CACNA2D3: variants seen among roughly 807,000 people sequenced by gnomAD.
The protein encoded by CACNA2D3 is calcium voltage-gated channel auxiliary subunit alpha2delta 3.
In CACNA2D3, 60 loss-of-function variants were observed where a neutral mutation model predicts 160.6. That is an observed-to-expected ratio of 0.37 (90% CI 0.30 to 0.46). CACNA2D3 has a LOEUF of 0.46. CACNA2D3 is among the 20% of genes least tolerant of loss of function. The probability of loss-of-function intolerance (pLI) is 1.00; values close to 1 mark genes in which losing one functional copy is unlikely to be tolerated. For synonymous variants in CACNA2D3, 558 were observed against 492.9 expected, an observed-to-expected ratio of 1.13 and a Z score of -1.75; for missense variants, 1,205 against 1,365.0, an observed-to-expected ratio of 0.88 and a Z score of 1.85.
intron 2 of CACNA2D3, among the ~76,000 whole-genome samples, chr3:54,160,220 C>T (rs1274334843): frequency 2.0e-5 from 3 of 152,312 alleles, no homozygotes; most frequent in East Asian, 3.9e-4. Flanking sequence ...TTGCTGGGGC[C>T]GGGTGCAGTG....
intron 4 of CACNA2D3, among the ~76,000 whole-genome samples, chr3:54,424,722 T>G (rs902787795): frequency 1.3e-5 from 2 of 152,198 alleles, no homozygotes; most frequent in African/African-American, 4.8e-5. Context: ...TTCTCCGCAC[T>G]GCCTCTCCTA....
chr3:54,953,494 G>C (rs1288243671), intron 27 of CACNA2D3, among the ~76,000 whole-genome samples: 1 of 152,150 alleles, frequency 6.6e-6, no homozygotes, highest in Non-Finnish European at 1.5e-5. Flanking sequence ...CTTCGCGCTT[G>C]GTGGTCAGAT....
At chr3:54,455,816 A>G (rs2106828457) in intron 4 of CACNA2D3, among the ~76,000 whole-genome samples, 1 of 152,258 alleles carries the variant, frequency 6.6e-6, no homozygotes, top group Admixed American at 6.5e-5. Flanking sequence ...TTCCAGCACC[A>G]TTTATTAAAG....
chr3:54,280,695 A>G (rs1702860669), intron 2 of CACNA2D3, among the ~76,000 whole-genome samples: 1 of 151,164 alleles, frequency 6.6e-6, no homozygotes, highest in African/African-American at 2.4e-5. Context: ...ACCCTTCCCG[A>G]CTCTGTTCTC....
intron 2 of CACNA2D3, among the ~76,000 whole-genome samples, chr3:54,188,013 G>A (rs946241204): frequency 3.3e-5 from 5 of 152,008 alleles, no homozygotes; most frequent in South Asian, 2.1e-4. Flanking sequence ...AAAGAGAGTC[G>A]AACTCCAAAA....
intron 12 of CACNA2D3, among the ~76,000 whole-genome samples, chr3:54,763,780 C>CATATATATACGTATATATACGT (rs1553838651): frequency 1.2e-4 from 3 of 25,736 alleles, no homozygotes; most frequent in African/African-American, 1.2e-4. Flanking sequence ...TATATATGTA[C>CATATATATACGTATATATACGT]ATATATATGT....
intron 31 of CACNA2D3, among the ~76,000 whole-genome samples, chr3:54,993,032 C>T (rs369954523): frequency 2.0e-5 from 3 of 152,168 alleles, no homozygotes; most frequent in African/African-American, 7.2e-5. Flanking sequence ...CTCACTATCA[C>T]AAGAGCAGTA....
intron 2 of CACNA2D3, among the ~76,000 whole-genome samples, chr3:54,288,405 A>G (rs563396205): frequency 1.8e-4 from 27 of 152,338 alleles, no homozygotes; most frequent in Admixed American, 1.0e-3. Flanking sequence ...GACCAATAAC[A>G]GGATCTGAAA....
At chr3:54,997,023 G>A (rs1194767253) in intron 31 of CACNA2D3, among the ~76,000 whole-genome samples, 1 of 148,358 alleles carries the variant, frequency 6.7e-6, no homozygotes, top group Non-Finnish European at 1.5e-5. Context: ...GGCCTGTCAG[G>A]GGGTGGAGGA....
chr3:54,647,588 T>TA (rs1699676564), intron 11 of CACNA2D3, among the ~76,000 whole-genome samples: 1 of 152,120 alleles, frequency 6.6e-6, no homozygotes, highest in Admixed American at 6.5e-5. Context: ...TGGATTACCT[T>TA]ACAGTGTAGC....
intron 4 of CACNA2D3, among the ~76,000 whole-genome samples, chr3:54,391,454 T>C (rs1035355328): frequency 7.2e-5 from 11 of 151,878 alleles, no homozygotes; most frequent in African/African-American, 2.4e-4. Flanking sequence ...GAATCCTCCA[T>C]AGAAAACAGA....
At chr3:54,360,649 TCA>T (rs1698726141) in intron 3 of CACNA2D3, among the ~76,000 whole-genome samples, 1 of 152,188 alleles carries the variant, frequency 6.6e-6, no homozygotes, top group African/African-American at 2.4e-5. Flanking sequence ...TCCTCTGTGC[TCA>T]GTTTCCTCTA....
At chr3:54,795,966 T>C (rs1365731314) in intron 13 of CACNA2D3, among the ~76,000 whole-genome samples, 1 of 152,150 alleles carries the variant, frequency 6.6e-6, no homozygotes, top group Non-Finnish European at 1.5e-5. Context: ...AACCCCAGAC[T>C]TGGGGGCTGG....
chr3:54,865,172 A>C (rs1271338076), intron 17 of CACNA2D3, among the ~76,000 whole-genome samples: 2 of 152,256 alleles, frequency 1.3e-5, no homozygotes, highest in Non-Finnish European at 2.9e-5. Context: ...TGAAAAGTGA[A>C]AACAGTAACT....
chr3:54,159,441 G>A (rs1375671249), intron 2 of CACNA2D3, among the ~76,000 whole-genome samples: 2 of 152,086 alleles, frequency 1.3e-5, no homozygotes, highest in African/African-American at 4.8e-5. Context: ...AAGTGATGCA[G>A]TTTAAGGAAA....
intron 25 of CACNA2D3, among the ~76,000 whole-genome samples, chr3:54,892,696 A>G (rs1358058566): frequency 6.6e-6 from 1 of 152,178 alleles, no homozygotes; most frequent in African/African-American, 2.4e-5. Flanking sequence ...TTCTCCTGTT[A>G]GGATCCAGAT....
chr3:54,925,505 A>G (rs116841784), intron 27 of CACNA2D3, among the ~76,000 whole-genome samples: 1 of 152,324 alleles, frequency 6.6e-6, no homozygotes, highest in East Asian at 1.9e-4. Flanking sequence ...GATATCAAAT[A>G]GAAGGGTGAA....
intron 3 of CACNA2D3, among the ~76,000 whole-genome samples, chr3:54,343,195 C>CG (rs1559455442): frequency 1.3e-5 from 2 of 152,198 alleles, no homozygotes; most frequent in Non-Finnish European, 2.9e-5. Context: ...AAAGCCCCCC[C>CG]CTCCCACGAG....
intron 2 of CACNA2D3, among the ~76,000 whole-genome samples, chr3:54,307,410 G>A (rs565362283): frequency 6.6e-6 from 1 of 152,246 alleles, no homozygotes. Context: ...GCTGCTGTGG[G>A]AAAATGGGAG....
Sources: allele counts gnomAD v4.1 joint callset (sites outside exome capture counted in the v4.1 genomes callset), GRCh38; gene constraint gnomAD v4.1.1; transcripts MANE v1.5; gene names NCBI Gene and HGNC (gene_info 2026-07-23, HGNC 2026-07-21).